USP43: variants seen among roughly 807,000 people sequenced by gnomAD.
USP43 encodes the protein ubiquitin carboxyl-terminal hydrolase 43.
USP43 carries 33 observed loss-of-function variants against 90.7 expected under a neutral mutation model. That is an observed-to-expected ratio of 0.36 (90% CI 0.28 to 0.49). USP43 has a LOEUF of 0.49. Ranked by LOEUF, USP43 falls within the 20% of genes least tolerant of loss-of-function variation. The pLI is 0.98. For synonymous variants in USP43, 598 were observed against 615.8 expected (o/e 0.97, Z 0.43); for missense variants, 1,274 against 1,476.4 (o/e 0.86, Z 2.25).
intron 14 of USP43, among the ~76,000 whole-genome samples, chr17:9,713,245 C>T (rs983213833): frequency 5.3e-5 from 8 of 152,194 alleles, no homozygotes; most frequent in South Asian, 2.1e-4. Context: ...CCTGCCACTA[C>T]GCCTGGCTAA....
intron 14 of USP43, among the ~76,000 whole-genome samples, chr17:9,715,691 GTGTGTGTC>G (rs1916485484): frequency 8.5e-6 from 1 of 118,002 alleles, no homozygotes; most frequent in African/African-American, 5.2e-5. Context: ...GTGTGTATGT[GTGTGTGTC>G]TGTGTGTGTC....
At position 9,728,411 on chromosome 17, in the gene USP43, G is replaced by A; in HGVS notation, c.2793G>A (p.Leu931=). The change falls in exon 15 of 15, where the codon CTG becomes CTA. Residue 931 remains leucine (L), a synonymous_variant. Coordinates refer to ENST00000285199, the MANE Select transcript of USP43 (RefSeq NM_153210.5). This position sits in a 1 kb window ranked among gnomAD's most constrained non-coding sequence, Gnocchi z 6.2. ...TCAAGCTTCCCAGAAAGTTTGACCT[G>A]CCTCTCACTGTGATGCCTTCAGTGG... is the stretch of plus-strand genomic sequence containing the variant. ...QDIKLPRKFD[L]PLTVMPSVEH... The A allele has an allele frequency of 1.9e-6, 3 of 1,609,510 alleles. No individual in the cohort carries two copies. Among genetic ancestry groups the A allele is most frequent in the Non-Finnish European group, 2.5e-6 (3 of 1,177,938 alleles).
At chr17:9,664,481 G>A (rs551954716) in intron 2 of USP43, among the ~76,000 whole-genome samples, 1 of 152,062 alleles carries the variant, frequency 6.6e-6, no homozygotes. Context: ...TCTTCTAAAG[G>A]TATATATAGA....
intron 4 of USP43, among the ~76,000 whole-genome samples, chr17:9,675,878 C>T (rs1040652698): frequency 2.0e-5 from 3 of 152,186 alleles, no homozygotes; most frequent in Middle Eastern, 3.2e-3. Context: ...AGACTCCCAG[C>T]CTGACACAGC....
intron 9 of USP43, among the ~76,000 whole-genome samples, chr17:9,698,868 TG>T (rs1369640213): frequency 1.3e-5 from 2 of 152,224 alleles, no homozygotes; most frequent in Admixed American, 1.3e-4. Flanking sequence ...GAGTCCAATT[TG>T]GGCTTTCAAA....
intron 12 of USP43, among the ~76,000 whole-genome samples, chr17:9,708,155 A>G (rs1915994610): frequency 6.6e-6 from 1 of 152,248 alleles, no homozygotes; most frequent in Non-Finnish European, 1.5e-5. Flanking sequence ...ACATGATGAC[A>G]GCCTGGATGA....
Position 9,701,298 on chromosome 17 carries a change from G to A in USP43, c.1662+53G>A, listed in dbSNP as rs1915554403. The A allele has an allele frequency of 6.3e-7, 1 of 1,592,034 alleles. No homozygotes were observed. The highest frequency in any genetic ancestry group is 8.6e-7 in the Non-Finnish European group (1 of 1,168,238). ...CCGGGAAGGGGGCTGGCTGCCTTTG[G>A]TGGGTTGGCCACGTGCTGCGGGGGC... On this transcript the variant is annotated intron_variant, in intron 11 of 14. Coordinates refer to ENST00000285199, the MANE Select transcript of USP43 (RefSeq NM_153210.5). The surrounding 1 kb of genome is among the most constrained non-coding windows in gnomAD (Gnocchi z 7.2).
At chr17:9,693,702 G>T (rs4101050) in intron 9 of USP43, among the ~76,000 whole-genome samples, 41,173 of 151,862 alleles carry the variant, frequency 0.27, 6,225 homozygotes, top group East Asian at 0.63. Flanking sequence ...GCCGGTCGTG[G>T]TAGCACGCGC....
intron 9 of USP43, among the ~76,000 whole-genome samples, chr17:9,699,570 C>T (rs1476553966): frequency 2.0e-5 from 3 of 152,212 alleles, no homozygotes; most frequent in Admixed American, 6.5e-5. Context: ...CTATTGATTT[C>T]AGGATAAAAC....
chr17:9,721,998 A>G (rs578229187), intron 14 of USP43, among the ~76,000 whole-genome samples: 12 of 151,694 alleles, frequency 7.9e-5, no homozygotes, highest in African/African-American at 2.4e-4. Flanking sequence ...AGCCTCCCAC[A>G]ATGCTGGGAT....
At chr17:9,685,010 C>T (rs1301382300) in intron 7 of USP43, among the ~76,000 whole-genome samples, 7 of 152,048 alleles carry the variant, frequency 4.6e-5, no homozygotes, top group Admixed American at 4.6e-4. Context: ...AATAATTGTG[C>T]GCTCAAAGGT....
chr17:9,715,045 G>A (rs71358268), intron 14 of USP43, among the ~76,000 whole-genome samples: 12,572 of 152,174 alleles, frequency 0.083, 611 homozygotes, highest in East Asian at 0.19. Context: ...TCCAGCAGGC[G>A]AGGTGACTGA....
rs200905837 is a variant in USP43 at position 9,656,527 on chromosome 17, C to T, written c.629C>T (p.Ser210Leu). The T allele has an allele frequency of 8.2e-5, 132 of 1,610,284 alleles. No individual in the cohort carries two copies. Among genetic ancestry groups the T allele is most frequent in the Middle Eastern group, 1.7e-4 (1 of 6,060 alleles). Reference protein sequence around the residue: ...DLEGSSRGPVSEKLPPEATKT... With the variant: ...DLEGSSRGPVLEKLPPEATKT... Reference sequence around the variant, plus strand: ...GAGGGTTCATCCCGAGGGCCGGTGTCGGAGAAGGTCGGTCACTCTCAAAAC... The same window carrying T: ...GAGGGTTCATCCCGAGGGCCGGTGTTGGAGAAGGTCGGTCACTCTCAAAAC... The change falls in exon 2 of 15, where the codon TCG (serine) becomes TTG (leucine). Residue 210 changes from serine to leucine, a missense_variant. Ser to Leu is a moderately radical substitution (Grantham distance 145, BLOSUM62 -2). Around this residue, in one of 6 missense-constraint regions of USP43, gnomAD observed 259 missense variants for 373.7 expected, o/e 0.69. Coordinates refer to ENST00000285199, the MANE Select transcript of USP43 (RefSeq NM_153210.5).
At chr17:9,655,587 G>T (rs894542063) in intron 1 of USP43, among the ~76,000 whole-genome samples, 2 of 152,166 alleles carry the variant, frequency 1.3e-5, no homozygotes, top group African/African-American at 4.8e-5. Flanking sequence ...GAAGGACAGC[G>T]CAAGGGATAC....
rs993543622 is a variant in USP43, at chr17:9,701,146, A to C, written c.1563A>C (p.Arg521=). 2 of 1,496,268 alleles carry C rather than the reference A, an allele frequency of 1.3e-6. No individual in the cohort carries two copies. Among genetic ancestry groups the C allele is most frequent in the Non-Finnish European group, 1.8e-6 (2 of 1,119,454 alleles). The allele number at this position is 1,496,268 out of a possible 1,614,324, so 92.7% of individuals were successfully genotyped here. A position where few individuals can be genotyped will look rare whatever the true frequency, so the allele number is the denominator to read the frequency against. Residue 521 remains arginine, a synonymous_variant, in exon 11 of 15, where the codon CGA becomes CGC. Coordinates refer to ENST00000285199, the MANE Select transcript of USP43 (RefSeq NM_153210.5). This position sits in a 1 kb window ranked among gnomAD's most constrained non-coding sequence, Gnocchi z 7.2. ...ERLFGSLQEE[R]AQDADSVWQQ... ...TGTTCGGGAGCCTCCAGGAGGAGCGAGCGCAGGATGCCGACAGTGTGTGGC... is the reference window on the plus strand; with the variant it reads ...TGTTCGGGAGCCTCCAGGAGGAGCGCGCGCAGGATGCCGACAGTGTGTGGC...
At chr17:9,702,037 G>A (rs886095065) in intron 12 of USP43, among the ~76,000 whole-genome samples, 3 of 152,190 alleles carry the variant, frequency 2.0e-5, no homozygotes, top group Non-Finnish European at 4.4e-5. Context: ...CAGCTATAGA[G>A]TTGACATTGA....
intron 5 of USP43, among the ~76,000 whole-genome samples, chr17:9,677,484 C>T (rs1017199593): frequency 2.0e-5 from 3 of 152,288 alleles, no homozygotes; most frequent in South Asian, 2.1e-4. Context: ...GAACATCTGG[C>T]GGAAGCTGGG....
intron 4 of USP43, among the ~76,000 whole-genome samples, chr17:9,675,866 T>C (rs1471665090): frequency 6.6e-6 from 1 of 152,226 alleles, no homozygotes; most frequent in African/African-American, 2.4e-5. Flanking sequence ...TGTGATGATC[T>C]AAGACTCCCA....
chr17:9,723,599 T>C (rs1319232022), intron 14 of USP43, among the ~76,000 whole-genome samples: 1 of 142,224 alleles, frequency 7.0e-6, no homozygotes, highest in African/African-American at 2.6e-5. Flanking sequence ...TCTTTTTTTT[T>C]TTGAGATGGA....
Sources: allele counts gnomAD v4.1 joint callset (sites outside exome capture counted in the v4.1 genomes callset), GRCh38; gene constraint gnomAD v4.1.1; regional missense constraint gnomAD v4.1.1; non-coding constraint Gnocchi (gnomAD v3.1); transcripts MANE v1.5; gene names NCBI Gene and HGNC (gene_info 2026-07-23, HGNC 2026-07-21).